Variants in CFAP46 observed in about 807,000 individuals in gnomAD.
The protein encoded by CFAP46 is cilia and flagella associated protein 46.
CFAP46 carries 245 observed loss-of-function variants against 325.7 expected under a neutral mutation model. That is an observed-to-expected ratio of 0.75 (90% CI 0.68 to 0.84). The LOEUF (loss-of-function observed/expected upper bound fraction) is 0.84, where lower values mean the gene tolerates loss of function less well. Among genes scored for constraint, CFAP46 ranks in the 40% least tolerant of loss-of-function variants. The probability of loss-of-function intolerance (pLI) is 0.00; values close to 1 mark genes in which losing one functional copy is unlikely to be tolerated. For missense variants in CFAP46, 3,346 were observed against 3,543.0 expected (o/e 0.94, Z 1.41); for synonymous variants, 1,523 against 1,495.9 (o/e 1.02, Z -0.42).
chr10:132,865,797 G>C (rs887647420), intron 35 of CFAP46, among the ~76,000 whole-genome samples: 1 of 152,226 alleles, frequency 6.6e-6, no homozygotes, highest in Non-Finnish European at 1.5e-5. Flanking sequence ...ACCAACAGCA[G>C]GTACTGGAAA....
Position 132,916,679 on chromosome 10 carries a change from T to C in CFAP46, c.1990A>G (p.Thr664Ala), listed in dbSNP as rs1246022258. Residue 664 changes from threonine (T) to alanine (A), a missense_variant, in exon 17 of 58, where the codon ACG becomes GCG. Coordinates refer to ENST00000368586, the MANE Select transcript of CFAP46 (RefSeq NM_001200049.3). The part of the protein sequence containing the change: ...AEVGFIHAEA[T>A]VHLLRSEGVE... ...CCTTCTGACCGCAGCAAATGAACCG[T>C]GGCCTGCAAAACACACATGCGGTGG... 1 of 1,470,636 alleles carries C rather than the reference T, an allele frequency of 6.8e-7. No individual in the cohort carries two copies. The highest frequency in any genetic ancestry group is 1.4e-5 in the South Asian group (1 of 73,184). 91.1% of individuals were successfully genotyped at this position (1,470,636 alleles called of 1,614,324 possible). A position where few individuals can be genotyped will look rare whatever the true frequency, so the allele number is the denominator to read the frequency against.
chr10:132,856,164 G>T (rs1848638997), intron 39 of CFAP46, among the ~76,000 whole-genome samples: 1 of 152,220 alleles, frequency 6.6e-6, no homozygotes, highest in Admixed American at 6.5e-5. Flanking sequence ...TGGGCTCTCA[G>T]CTACACTGCT....
chr10:132,836,779 G>T (rs572840729), intron 45 of CFAP46, 38 bp downstream of exon 45: 1 of 1,563,878 alleles, frequency 6.4e-7, no homozygotes, highest in Admixed American at 1.7e-5. Flanking sequence ...GCCTCTCAGC[G>T]GGCTGGGGGC....
chr10:132,824,917 G>A (rs1848008706), intron 50 of CFAP46, among the ~76,000 whole-genome samples: 1 of 143,500 alleles, frequency 7.0e-6, no homozygotes, highest in Non-Finnish European at 1.5e-5. Context: ...AATGTGTGCT[G>A]TGTGTGCTGC....
At chr10:132,843,589 G>A in intron 44 of CFAP46, among the ~76,000 whole-genome samples, 1 of 144,442 alleles carries the variant, frequency 6.9e-6, no homozygotes, top group African/African-American at 2.6e-5. Context: ...TGGTCTCGGT[G>A]GGTGTTCCCA....
At chr10:132,866,257 T>C in intron 34 of CFAP46, 86 bp from the exon 35 acceptor site, 2 of 1,359,802 alleles carry the variant, frequency 1.5e-6, no homozygotes, top group Non-Finnish European at 9.6e-7. Context: ...TCAGGAGCCA[T>C]CTGTACCACA....
rs1591024995 is a variant in CFAP46, at chr10:132,808,424, A to G, written c.8145T>C (p.Ile2715=). ...TGTTGTTTGTTTAGTGGAACACTCAAATCAAAAACAGGCTCACGGTCTGAA... is the reference window on the plus strand; with the variant it reads ...TGTTGTTTGTTTAGTGGAACACTCAGATCAAAAACAGGCTCACGGTCTGAA... The part of the protein sequence containing the change: ...KTIQTVSLFL[I] The change falls in exon 58 of 58, where the codon ATT becomes ATC. Residue 2715 remains isoleucine, a synonymous_variant. Transcript: ENST00000368586. This position sits in a 1 kb window ranked among gnomAD's most constrained non-coding sequence, Gnocchi z 6.8. 1 of 1,599,964 alleles carries G rather than the reference A, an allele frequency of 6.3e-7. No individual in the cohort carries two copies.
In CFAP46 at chr10:132,919,183, C is replaced by T; in HGVS notation, c.1858+132G>A. On this transcript the variant is annotated intron_variant, in intron 15 of 57. Coordinates refer to ENST00000368586, the MANE Select transcript of CFAP46 (RefSeq NM_001200049.3). This position sits in a 1 kb window ranked among gnomAD's most constrained non-coding sequence, Gnocchi z 9.7. ...TCCTGATAATTAGTGGGAACTGCTA[C>T]CATTGTGACTTAGCAATACGCTTTC... 1 of 980,640 alleles carries T rather than the reference C, an allele frequency of 1.0e-6. No homozygotes were observed. Among genetic ancestry groups the T allele is most frequent in the Non-Finnish European group, 1.4e-6 (1 of 703,476 alleles). 60.7% of individuals were successfully genotyped at this position (980,640 alleles called of 1,614,324 possible).
intron 5 of CFAP46, among the ~76,000 whole-genome samples, chr10:132,938,373 A>G (rs1411541297): frequency 6.6e-6 from 1 of 152,196 alleles, no homozygotes; most frequent in Non-Finnish European, 1.5e-5. Flanking sequence ...CTGTTGTCAT[A>G]ACCTCATAAC....
Position 132,912,641 on chromosome 10 carries a change from C to A in CFAP46, c.2499+14G>T. The A allele has an allele frequency of 6.0e-6, 9 of 1,512,000 alleles. No homozygotes were observed. Among genetic ancestry groups the A allele is most frequent in the Non-Finnish European group, 5.3e-6 (6 of 1,124,490 alleles). 93.7% of individuals were successfully genotyped at this position (1,512,000 alleles called of 1,614,324 possible). On this transcript the variant is annotated intron_variant, in intron 19 of 57. Transcript: ENST00000368586. Reference sequence around the variant, plus strand: ...TCTCTCTCTCTCTCTCTCTCGGCATCATGGAGGTGGTACCTCCACCGCTGT... The same window carrying A: ...TCTCTCTCTCTCTCTCTCTCGGCATAATGGAGGTGGTACCTCCACCGCTGT...
At chr10:132,858,705 G>T (rs1848682736) in intron 38 of CFAP46, among the ~76,000 whole-genome samples, 1 of 152,146 alleles carries the variant, frequency 6.6e-6, no homozygotes. Flanking sequence ...CTGGGCATGT[G>T]TGTGCAATGC....
intron 22 of CFAP46, among the ~76,000 whole-genome samples, chr10:132,907,045 C>T (rs1378717073): frequency 6.6e-6 from 1 of 152,258 alleles, no homozygotes; most frequent in African/African-American, 2.4e-5. Context: ...CTATGTTGGC[C>T]TCGCATCCCC....
At chr10:132,920,315 C>T (rs1333504271) in intron 13 of CFAP46, 133 bp from the exon 14 acceptor site, 4 of 1,164,566 alleles carry the variant, frequency 3.4e-6, no homozygotes, top group Non-Finnish European at 4.6e-6. Context: ...GCCCTAGATC[C>T]CCGGCTCCCA....
intron 24 of CFAP46, among the ~76,000 whole-genome samples, chr10:132,897,639 G>A (rs1591078897): frequency 6.6e-6 from 1 of 151,148 alleles, no homozygotes; most frequent in Admixed American, 6.6e-5. Context: ...GCCATGTGTG[G>A]GTTGGCAGGT....
intron 35 of CFAP46, among the ~76,000 whole-genome samples, chr10:132,864,660 C>T (rs1564783789): frequency 2.0e-5 from 3 of 147,330 alleles, no homozygotes; most frequent in Non-Finnish European, 1.5e-5. Flanking sequence ...CCTGCACACA[C>T]CTGTCCCCAG....
At chr10:132,920,410 G>C (rs909606232) in intron 13 of CFAP46, among the ~76,000 whole-genome samples, 2 of 152,174 alleles carry the variant, frequency 1.3e-5, no homozygotes, top group African/African-American at 4.8e-5. Context: ...TCCTCTGAGT[G>C]GGGGAGGCTC....
In CFAP46 at chr10:132,892,429, C is replaced by T; in HGVS notation, c.3220-12G>A. On this transcript the variant is annotated splice_polypyrimidine_tract_variant and intron_variant, in intron 24 of 57. Coordinates refer to ENST00000368586, the MANE Select transcript of CFAP46 (RefSeq NM_001200049.3). ...GTCTTTCCTTTCTCCTAAAGTAACG[C>T]AAGTAAACGACACGTATATTTGAAA... The T allele has an allele frequency of 6.5e-7, 1 of 1,550,230 alleles. No individual in the cohort carries two copies. The highest frequency in any genetic ancestry group is 8.7e-7 in the Non-Finnish European group (1 of 1,146,698).
chr10:132,827,212 G>A lies in CFAP46; in HGVS notation c.7117+6146C>T, dbSNP rs1361001216. On this transcript the variant is annotated intron_variant, in intron 50 of 57. Coordinates refer to ENST00000368586, the MANE Select transcript of CFAP46 (RefSeq NM_001200049.3). This position sits in a 1 kb window ranked among gnomAD's most constrained non-coding sequence, Gnocchi z 5.7. ...ACAACCCCACACGGTGCTCGTCAGG[G>A]GAAGGCAGGAGGGCGGCCGGAGGGA... Among the ~76,000 whole-genome samples, 5 of 152,030 alleles carry A rather than the reference G, an allele frequency of 3.3e-5. No homozygotes were observed. The highest frequency in any genetic ancestry group is 1.5e-5 in the Non-Finnish European group (1 of 68,008).
At chr10:132,895,912 ACGG>A (rs1183504052) in intron 24 of CFAP46, among the ~76,000 whole-genome samples, 8,768 of 137,578 alleles carry the variant, frequency 0.064, 1,336 homozygotes, top group Admixed American at 0.1. Context: ...ACATGAAGAC[ACGG>A]TGAGAAGGCA....
Sources: allele counts gnomAD v4.1 joint callset (sites outside exome capture counted in the v4.1 genomes callset), GRCh38; gene constraint gnomAD v4.1.1; non-coding constraint Gnocchi (gnomAD v3.1); transcripts MANE v1.5; gene names NCBI Gene and HGNC (gene_info 2026-07-23, HGNC 2026-07-21).